Variants in PPFIA2 observed in about 807,000 individuals in gnomAD.
The protein encoded by PPFIA2 is liprin-alpha-2.
PPFIA2 carries 46 observed loss-of-function variants against 175.5 expected under a neutral mutation model. The observed-to-expected ratio is 0.26, with a 90% confidence interval of 0.21 to 0.34. The LOEUF (loss-of-function observed/expected upper bound fraction) is 0.34. PPFIA2 is among the 10% of genes least tolerant of loss of function. PPFIA2 has a pLI of 1.00. For synonymous variants in PPFIA2, 568 were observed against 511.4 expected (o/e 1.11, Z -1.49); for missense variants, 1,179 against 1,506.1 (o/e 0.78, Z 3.60).
intron 4 of PPFIA2, among the ~76,000 whole-genome samples, chr12:81,580,527 C>A (rs980024890): frequency 4.0e-5 from 6 of 151,038 alleles, no homozygotes; most frequent in African/African-American, 2.4e-5. Flanking sequence ...GTACAGGTAG[C>A]CTGATATTAA....
chr12:81,560,246 GTGTGTGTC>G (rs1432445152), intron 4 of PPFIA2, among the ~76,000 whole-genome samples: 1 of 151,976 alleles, frequency 6.6e-6, no homozygotes, highest in Non-Finnish European at 1.5e-5. Flanking sequence ...GGGTATGTGT[GTGTGTGTC>G]TGTGTGTATG....
At chr12:81,535,524 A>G (rs1483659207) in intron 4 of PPFIA2, 1 of 452,626 alleles carries the variant, frequency 2.2e-6, no homozygotes, top group Non-Finnish European at 4.4e-6. Context: ...AAAATGAAGA[A>G]CATCTAACTC....
chr12:81,467,932 T>A (rs1202607257), intron 4 of PPFIA2, among the ~76,000 whole-genome samples: 1 of 152,112 alleles, frequency 6.6e-6, no homozygotes, highest in African/African-American at 2.4e-5. Context: ...GGGCTCCTGC[T>A]CTAAGTTTGA....
At chr12:81,529,001 A>T (rs2064108776) in intron 4 of PPFIA2, among the ~76,000 whole-genome samples, 2 of 152,084 alleles carry the variant, frequency 1.3e-5, no homozygotes, top group South Asian at 2.1e-4. Context: ...TTTTTCTAAA[A>T]TTAATGCACT....
Position 81,677,155 on chromosome 12 carries a change from C to G in PPFIA2, c.250-311G>C, listed in dbSNP as rs1049544169. ...AAAATTTAAGAAAACTTCAGTTTAACGTACTATTTTGAAAAATATTAAACC... is the reference window on the plus strand; with the variant it reads ...AAAATTTAAGAAAACTTCAGTTTAAGGTACTATTTTGAAAAATATTAAACC... On this transcript the variant is annotated intron_variant, in intron 3 of 32. Transcript: ENST00000549396. Among the ~76,000 whole-genome samples the G allele has an allele frequency of 4.6e-5, 7 of 151,838 alleles. No individual in the cohort carries two copies. In the South Asian group the frequency reaches 8.3e-4, roughly 18 times the overall value.
intron 4 of PPFIA2, among the ~76,000 whole-genome samples, chr12:81,583,526 A>T (rs956381661): frequency 6.6e-6 from 1 of 151,960 alleles, no homozygotes; most frequent in Non-Finnish European, 1.5e-5. Context: ...CTAGAAGAAT[A>T]TTTAAAAATA....
chr12:81,737,075 T>A (rs2081675811), intron 3 of PPFIA2, among the ~76,000 whole-genome samples: 2 of 151,960 alleles, frequency 1.3e-5, no homozygotes, highest in African/African-American at 4.8e-5. Context: ...AATTGGGTAA[T>A]TTTTTAAACA....
At chr12:81,589,908 C>T (rs547720318) in intron 4 of PPFIA2, among the ~76,000 whole-genome samples, 18 of 152,074 alleles carry the variant, frequency 1.2e-4, no homozygotes, top group African/African-American at 4.3e-4. Context: ...CTTTTTTTCA[C>T]TCCTCACTGA....
At chr12:81,383,240 A>G (rs975108417) in intron 9 of PPFIA2, among the ~76,000 whole-genome samples, 1 of 152,202 alleles carries the variant, frequency 6.6e-6, no homozygotes, top group African/African-American at 2.4e-5. Context: ...TATACAAAAG[A>G]TACTTTTAAA....
intron 4 of PPFIA2, among the ~76,000 whole-genome samples, chr12:81,633,018 G>T (rs774887814): frequency 6.6e-6 from 1 of 152,036 alleles, no homozygotes; most frequent in Non-Finnish European, 1.5e-5. Context: ...ATCACTCTGC[G>T]TTATATCCAC....
chr12:81,666,892 A>G (rs1428118608), intron 4 of PPFIA2, among the ~76,000 whole-genome samples: 1 of 152,182 alleles, frequency 6.6e-6, no homozygotes, highest in Non-Finnish European at 1.5e-5. Flanking sequence ...CACACTCTAC[A>G]CCACTACATC....
At chr12:81,743,882 G>A (rs1294147578) in intron 3 of PPFIA2, among the ~76,000 whole-genome samples, 1 of 152,086 alleles carries the variant, frequency 6.6e-6, no homozygotes, top group Non-Finnish European at 1.5e-5. Context: ...TATGCCATAA[G>A]CATAGAACCT....
chr12:81,671,498 C>T (rs780475603), intron 4 of PPFIA2, among the ~76,000 whole-genome samples: 1 of 151,826 alleles, frequency 6.6e-6, no homozygotes, highest in Non-Finnish European at 1.5e-5. Context: ...AGAAAGACTG[C>T]AAGTCTTTTC....
chr12:81,371,897 A>G (rs2035203017), intron 11 of PPFIA2, among the ~76,000 whole-genome samples: 1 of 144,368 alleles, frequency 6.9e-6, no homozygotes. Context: ...TTGCCTATAC[A>G]CACACACACA....
chr12:81,609,471 A>G (rs1027439325), intron 4 of PPFIA2, among the ~76,000 whole-genome samples: 1 of 152,156 alleles, frequency 6.6e-6, no homozygotes, highest in African/African-American at 2.4e-5. Context: ...TTGGGTATGT[A>G]TACATTTAGA....
At chr12:81,747,149 G>C (rs1469803292) in intron 3 of PPFIA2, among the ~76,000 whole-genome samples, 1 of 144,140 alleles carries the variant, frequency 6.9e-6, no homozygotes, top group Non-Finnish European at 1.6e-5. Context: ...AAAATAACTA[G>C]AAGAGAGAAA....
chr12:81,529,156 A>C (rs1291278721), intron 4 of PPFIA2, among the ~76,000 whole-genome samples: 11 of 152,036 alleles, frequency 7.2e-5, no homozygotes, highest in Admixed American at 7.2e-4. Context: ...AGAAAAGATA[A>C]AACTGACAAC....
chr12:81,463,036 A>G (rs1034825300), intron 4 of PPFIA2, among the ~76,000 whole-genome samples: 6 of 152,122 alleles, frequency 3.9e-5, no homozygotes, highest in Admixed American at 1.3e-4. Context: ...ATTTTAGAAC[A>G]GTATTTCCAC....
chr12:81,756,193 G>T (rs1439622862), intron 2 of PPFIA2, among the ~76,000 whole-genome samples: 1 of 152,122 alleles, frequency 6.6e-6, no homozygotes, highest in Non-Finnish European at 1.5e-5. Flanking sequence ...AGTACTGGGA[G>T]AGCAAATCAT....
Sources: allele counts gnomAD v4.1 joint callset (sites outside exome capture counted in the v4.1 genomes callset), GRCh38; gene constraint gnomAD v4.1.1; transcripts MANE v1.5; gene names NCBI Gene and HGNC (gene_info 2026-07-23, HGNC 2026-07-21).